Variants in KL observed in about 807,000 individuals in gnomAD.
KL encodes the protein alpha-klotho.
In KL, 62 loss-of-function variants were observed where a neutral mutation model predicts 84.2. The ratio of observed to expected loss-of-function variants is 0.74; its 90% confidence interval spans 0.60 to 0.91. The LOEUF is 0.91. Ranked by LOEUF, KL falls within the 40% of genes least tolerant of loss-of-function variation. The probability of loss-of-function intolerance (pLI) is 0.00; values close to 1 mark genes in which losing one functional copy is unlikely to be tolerated. For synonymous variants in KL, 528 were observed against 528.0 expected, an observed-to-expected ratio of 1.00 and a Z score of 0.00; for missense variants, 1,261 against 1,305.7, an observed-to-expected ratio of 0.97 and a Z score of 0.53.
chr13:33,063,650 AC>A (rs1872294427), intron 4 of KL, among the ~76,000 whole-genome samples, 198 bp from the exon 5 acceptor site: 2 of 151,668 alleles, frequency 1.3e-5, no homozygotes, highest in African/African-American at 4.8e-5. Context: ...GGTGGTGCTC[AC>A]CTGTAGTCCC....
intron 1 of KL, among the ~76,000 whole-genome samples, chr13:33,041,835 A>G (rs539416157): frequency 6.6e-6 from 1 of 152,170 alleles, no homozygotes; most frequent in East Asian, 1.9e-4. Context: ...TTTTTCTGTT[A>G]CAGATCCTCA....
Position 33,061,059 on chromosome 13 carries a change from C to T in KL, c.1980C>T (p.Pro660=), listed in dbSNP as rs1872168378. 1.2e-6 allele frequency: 2 copies of T among 1,612,458 alleles called. No individual in the cohort carries two copies. The highest frequency in any genetic ancestry group is 1.7e-6 in the Non-Finnish European group (2 of 1,178,900). ...CCAGGCAGGGCGCCTGGGAGAACCC[C>T]TACACTGCCCTGGCCTTTGCAGAGT... The part of the protein sequence containing the change: ...LLARQGAWEN[P]YTALAFAEYA... Residue 660 remains proline (P), a synonymous_variant, in exon 4 of 5, where the codon CCC becomes CCT. Transcript: ENST00000380099.
intron 1 of KL, among the ~76,000 whole-genome samples, chr13:33,025,968 CTG>C (rs1004783894): frequency 6.6e-6 from 1 of 152,236 alleles, no homozygotes; most frequent in African/African-American, 2.4e-5. Context: ...TTCTTTAAAA[CTG>C]GACATCAGCT....
chr13:33,064,358 A>T lies in KL; in HGVS notation c.*172A>T. 1 of 574,630 alleles carries T rather than the reference A, an allele frequency of 1.7e-6. No individual in the cohort carries two copies. The highest frequency in any genetic ancestry group is 2.1e-5 in the South Asian group (1 of 46,698). 35.6% of individuals were successfully genotyped at this position (574,630 alleles called of 1,614,324 possible). ...TGAAATGGGCATAGGTGATCGTAAAATATTGAATAATGCGAATAGTGCCTG... is the reference window on the plus strand; with the variant it reads ...TGAAATGGGCATAGGTGATCGTAAATTATTGAATAATGCGAATAGTGCCTG... On this transcript the variant is annotated 3_prime_UTR_variant, in exon 5 of 5. Coordinates refer to ENST00000380099, the MANE Select transcript of KL (RefSeq NM_004795.4).
intron 1 of KL, among the ~76,000 whole-genome samples, chr13:33,052,227 C>T (rs1180882730): frequency 2.0e-5 from 3 of 152,172 alleles, no homozygotes; most frequent in African/African-American, 7.2e-5. Context: ...TTCGGCCTCC[C>T]AAAGTGCTGG....
intron 3 of KL, among the ~76,000 whole-genome samples, chr13:33,057,495 C>A (rs546909305): frequency 6.6e-6 from 1 of 152,116 alleles, no homozygotes; most frequent in Non-Finnish European, 1.5e-5. Context: ...ACTCTAGAAG[C>A]TATTGTTTTA....
chr13:33,031,699 A>G (rs996865225), intron 1 of KL, among the ~76,000 whole-genome samples: 1 of 152,224 alleles, frequency 6.6e-6, no homozygotes, highest in Non-Finnish European at 1.5e-5. Flanking sequence ...TCACAATAGC[A>G]TAGTATTTAG....
chr13:33,019,383 G>A (rs962846749), intron 1 of KL, among the ~76,000 whole-genome samples: 1 of 151,976 alleles, frequency 6.6e-6, no homozygotes, highest in African/African-American at 2.4e-5. Context: ...TGATAAAAGG[G>A]CATTTTAGCT....
intron 1 of KL, among the ~76,000 whole-genome samples, chr13:33,019,339 C>T (rs1362997826): frequency 6.6e-6 from 1 of 151,754 alleles, no homozygotes; most frequent in African/African-American, 2.4e-5. Flanking sequence ...AAAATTTGAG[C>T]TTACCTGAAA....
chr13:33,045,908 G>A (rs1406012946), intron 1 of KL, among the ~76,000 whole-genome samples: 1 of 152,064 alleles, frequency 6.6e-6, no homozygotes, highest in Non-Finnish European at 1.5e-5. Context: ...AATCATATGG[G>A]TTTTCTCCCC....
chr13:33,058,204 A>G (rs776607824), intron 3 of KL, among the ~76,000 whole-genome samples: 4 of 152,148 alleles, frequency 2.6e-5, no homozygotes, highest in Admixed American at 6.5e-5. Flanking sequence ...TTCTCCCATA[A>G]CATACTAAAT....
Position 33,060,974 on chromosome 13 carries a change from C to T in KL, c.1895C>T (p.Thr632Ile), listed in dbSNP as rs1219782674. Residue 632 changes from threonine to isoleucine, a missense_variant, in exon 4 of 5, where the codon ACC becomes ATC. Physicochemically the swap from Thr to Ile is moderately conservative, Grantham distance 89 (BLOSUM62 -1). Transcript: ENST00000380099. ...AGCGAGCTTGTCCGTGTCAACATCA[C>T]CCCAGTGGTGGCCCTGTGGCAGCCT... ...MASELVRVNI[T>I]PVVALWQPMA... 3 of 1,612,576 alleles carry T rather than the reference C, an allele frequency of 1.9e-6. No homozygotes were observed. The highest frequency in any genetic ancestry group is 3.3e-5 in the Admixed American group (2 of 59,958).
At chr13:33,039,866 A>G (rs953857616) in intron 1 of KL, among the ~76,000 whole-genome samples, 1 of 152,156 alleles carries the variant, frequency 6.6e-6, no homozygotes, top group Non-Finnish European at 1.5e-5. Flanking sequence ...TGCTGTTTAC[A>G]TTTATATGCG....
chr13:33,023,755 T>C (rs1397651051), intron 1 of KL, among the ~76,000 whole-genome samples: 2 of 152,248 alleles, frequency 1.3e-5, no homozygotes, highest in Non-Finnish European at 2.9e-5. Context: ...GGTATCATTA[T>C]AGCTTGATAA....
chr13:33,051,955 GT>G (rs1871764873), intron 1 of KL, among the ~76,000 whole-genome samples: 1 of 150,408 alleles, frequency 6.6e-6, no homozygotes, highest in African/African-American at 2.5e-5. Flanking sequence ...GTGTTTATTT[GT>G]TTGTTTGTTT....
chr13:33,030,395 C>A (rs942917285), intron 1 of KL, among the ~76,000 whole-genome samples: 1 of 152,144 alleles, frequency 6.6e-6, no homozygotes, highest in Non-Finnish European at 1.5e-5. Context: ...TTTTTGTTAA[C>A]CATTACCTAA....
intron 4 of KL, among the ~76,000 whole-genome samples, chr13:33,062,823 T>C (rs1391187983): frequency 6.6e-6 from 1 of 152,050 alleles, no homozygotes; most frequent in East Asian, 1.9e-4. Flanking sequence ...AGAGAAAAGA[T>C]TTATTTGTAA....
intron 1 of KL, among the ~76,000 whole-genome samples, chr13:33,029,729 G>C (rs1476287474): frequency 1.3e-5 from 2 of 152,128 alleles, no homozygotes; most frequent in Non-Finnish European, 2.9e-5. Flanking sequence ...CGCCTCCCAG[G>C]TTCACGCCAT....
Position 33,061,264 on chromosome 13 carries a change from G to T in KL, c.2185G>T (p.Ala729Ser). 6.2e-7 allele frequency: 1 copy of T among 1,614,224 alleles called. No homozygotes were observed. Among genetic ancestry groups the T allele is most frequent in the Non-Finnish European group, 8.5e-7 (1 of 1,180,046 alleles). ...RHAQNGKISI[A>S]LQADWIEPAC... is the part of the protein sequence containing the mutation. ...TGCTCAGAATGGGAAAATATCCATA[G>T]CCTTGCAGGCTGATTGGATAGAACC... Residue 729 changes from alanine (A) to serine (S), a missense_variant, in exon 4 of 5, where the codon GCC becomes TCC. Transcript: ENST00000380099.
Sources: allele counts gnomAD v4.1 joint callset (sites outside exome capture counted in the v4.1 genomes callset), GRCh38; gene constraint gnomAD v4.1.1; transcripts MANE v1.5; gene names NCBI Gene and HGNC (gene_info 2026-07-23, HGNC 2026-07-21).